The following CRTC1 variants were observed in gnomAD, a reference collection of about 807,000 sequenced individuals.
CRTC1 encodes CREB regulated transcription coactivator 1.
A neutral mutation model predicts 66.1 loss-of-function variants in CRTC1; 18 were observed. The observed-to-expected ratio is 0.27, with a 90% CI of 0.19 to 0.40. The LOEUF is 0.40. CRTC1 is among the 10% of genes least tolerant of loss of function. The probability of loss-of-function intolerance (pLI) is 1.00; values close to 1 mark genes in which losing one functional copy is unlikely to be tolerated. For synonymous variants in CRTC1, 416 were observed against 398.8 expected (o/e 1.04, Z -0.51); for missense variants, 669 against 887.9 (o/e 0.75, Z 3.13).
chr19:18,744,937 C>T (rs374709394), intron 2 of CRTC1, among the ~76,000 whole-genome samples: 3 of 152,290 alleles, frequency 2.0e-5, no homozygotes, highest in East Asian at 1.9e-4. Flanking sequence ...GTATCAGAGT[C>T]TCATTTTGCC....
intron 1 of CRTC1, among the ~76,000 whole-genome samples, chr19:18,737,934 G>T (rs1047108296): frequency 6.6e-6 from 1 of 151,874 alleles, no homozygotes; most frequent in Non-Finnish European, 1.5e-5. Flanking sequence ...TATGTAATAC[G>T]TATAACATAC....
chr19:18,740,953 C>T (rs1276538561), intron 1 of CRTC1, among the ~76,000 whole-genome samples: 1 of 152,102 alleles, frequency 6.6e-6, no homozygotes, highest in African/African-American at 2.4e-5. Context: ...TGTAGTGAGC[C>T]AAGATGGCGC....
chr19:18,729,726 G>T (rs2053843506), intron 1 of CRTC1, among the ~76,000 whole-genome samples: 1 of 152,102 alleles, frequency 6.6e-6, no homozygotes, highest in East Asian at 1.9e-4. Flanking sequence ...GGGTGACACA[G>T]CAAGACCCCA....
intron 1 of CRTC1, among the ~76,000 whole-genome samples, chr19:18,726,183 G>A (rs1394228709): frequency 1.3e-5 from 2 of 152,264 alleles, no homozygotes; most frequent in African/African-American, 4.8e-5. Flanking sequence ...TACCAGGTTA[G>A]AGGGCAGGAA....
intron 7 of CRTC1, among the ~76,000 whole-genome samples, 172 bp from the exon 8 acceptor site, chr19:18,759,836 G>T (rs1202580117): frequency 6.6e-6 from 1 of 151,708 alleles, no homozygotes; most frequent in Non-Finnish European, 1.5e-5. Context: ...CGGGTGATAG[G>T]CTGCTTTCCA....
rs555062117 is a variant in CRTC1 at position 18,775,124 on chromosome 19, G to A, written c.1512+138G>A. 27 of 837,788 alleles carry A rather than the reference G, an allele frequency of 3.2e-5. 1 individual carries two copies. Among genetic ancestry groups the A allele is most frequent in the African/African-American group, 2.0e-4 (12 of 59,682 alleles). The allele number at this position is 837,788 out of a possible 1,614,324, so 51.9% of individuals were successfully genotyped here. A position where few individuals can be genotyped will look rare whatever the true frequency, so the allele number is the denominator to read the frequency against. The stretch of plus-strand genomic sequence containing the variant: ...TGCCTGCCCCTCAGCTTTGCCCCTC[G>A]GCCCCCGCCCCGTCCCATCTGCGGG... On this transcript the variant is annotated intron_variant, in intron 12 of 13. Transcript: ENST00000321949.
chr19:18,737,846 A>G (rs1329484548), intron 1 of CRTC1, among the ~76,000 whole-genome samples: 1 of 152,124 alleles, frequency 6.6e-6, no homozygotes, highest in Admixed American at 6.6e-5. Context: ...TCCACTTCAC[A>G]AATAGCAAAC....
intron 12 of CRTC1, 37 bp from the exon 13 acceptor site, chr19:18,775,604 C>T (rs374920223): frequency 3.8e-5 from 57 of 1,511,040 alleles, no homozygotes; most frequent in African/African-American, 1.9e-4. Flanking sequence ...GGCAGGCCCG[C>T]GGTGGCCCTC....
At position 18,775,655 on chromosome 19, in the gene CRTC1, C is replaced by T; in HGVS notation, c.1527C>T (p.Asn509=). The part of the protein sequence containing the change: ...NALSHQLEQF[N]MMENAISSSS... The stretch of plus-strand genomic sequence containing the variant: ...TCCCTTCCCAGCTGGAGCAGTTCAA[C>T]ATGATGGAGAACGCCATCAGCTCCA... Residue 509 remains asparagine, a synonymous_variant, in exon 13 of 14, where the codon AAC becomes AAT. Coordinates refer to ENST00000321949, the MANE Select transcript of CRTC1 (RefSeq NM_015321.3). 1 of 1,600,868 alleles carries T rather than the reference C, an allele frequency of 6.2e-7. No homozygotes were observed.
Position 18,690,163 on chromosome 19 carries a change from A to G in CRTC1, c.126+6335A>G, listed in dbSNP as rs374180888. Among the ~76,000 whole-genome samples the G allele has an allele frequency of 2.6e-5, 4 of 151,984 alleles. No homozygotes were observed. In the East Asian group the frequency reaches 5.8e-4, roughly 22 times the overall value. ...TTGGGGATTCCTCGTATGACTGATC[A>G]TTGATGACCTCAGACAGCAACACCT... On this transcript the variant is annotated intron_variant, in intron 1 of 13. Coordinates refer to ENST00000321949, the MANE Select transcript of CRTC1 (RefSeq NM_015321.3).
At chr19:18,753,291 A>ATAAATAG (rs2054410375) in intron 5 of CRTC1, among the ~76,000 whole-genome samples, 2 of 151,562 alleles carry the variant, frequency 1.3e-5, no homozygotes, top group Admixed American at 6.6e-5. Context: ...AAATAAATAA[A>ATAAATAG]TAAATAAATA....
At chr19:18,701,953 CA>C (rs1463391937) in intron 1 of CRTC1, among the ~76,000 whole-genome samples, 7 of 118,012 alleles carry the variant, frequency 5.9e-5, no homozygotes, top group Admixed American at 2.0e-4. Flanking sequence ...GACGGAGTTT[CA>C]CTCTTGTTGC....
chr19:18,685,531 C>T (rs2052666943), intron 1 of CRTC1, among the ~76,000 whole-genome samples: 1 of 152,078 alleles, frequency 6.6e-6, no homozygotes, highest in Non-Finnish European at 1.5e-5. Flanking sequence ...GTGGTAGCTA[C>T]CTGTAATCCC....
At chr19:18,695,027 T>C (rs903355799) in intron 1 of CRTC1, among the ~76,000 whole-genome samples, 3 of 152,022 alleles carry the variant, frequency 2.0e-5, no homozygotes, top group Non-Finnish European at 4.4e-5. Flanking sequence ...CGCGCCACCA[T>C]GCCCAGCCAA....
At chr19:18,748,932 T>G (rs1031578375) in intron 4 of CRTC1, among the ~76,000 whole-genome samples, 3 of 152,134 alleles carry the variant, frequency 2.0e-5, no homozygotes, top group Non-Finnish European at 1.5e-5. Flanking sequence ...AGTGTGTTCA[T>G]CTCCATTGTA....
At chr19:18,713,165 G>T (rs922488784) in intron 1 of CRTC1, among the ~76,000 whole-genome samples, 2 of 152,196 alleles carry the variant, frequency 1.3e-5, no homozygotes, top group African/African-American at 4.8e-5. Flanking sequence ...CTTCCACGTC[G>T]TAGCATGGAT....
At chr19:18,770,573 G>T (rs1331200754) in intron 10 of CRTC1, among the ~76,000 whole-genome samples, 4 of 152,268 alleles carry the variant, frequency 2.6e-5, no homozygotes, top group Non-Finnish European at 5.9e-5. Context: ...GGCGGTGTGT[G>T]TGTGTGGGTT....
intron 5 of CRTC1, among the ~76,000 whole-genome samples, chr19:18,750,356 G>A (rs980213011): frequency 2.6e-5 from 4 of 152,194 alleles, no homozygotes; most frequent in Non-Finnish European, 5.9e-5. Flanking sequence ...GCTATAGCGA[G>A]TGAGAAAGAG....
intron 1 of CRTC1, among the ~76,000 whole-genome samples, chr19:18,724,275 A>T (rs974006961): frequency 1.3e-5 from 2 of 152,012 alleles, no homozygotes; most frequent in Admixed American, 6.6e-5. Context: ...TGCACTCGCT[A>T]GGAGTCAATT....
Sources: gnomAD v4.1 joint callset for allele counts (sites outside exome capture counted in the v4.1 genomes callset) on GRCh38, gnomAD v4.1.1 for gene constraint, MANE v1.5 for transcripts, NCBI Gene and HGNC (gene_info 2026-07-23, HGNC 2026-07-21) for gene names.